AHCYL2: variants seen among roughly 807,000 people sequenced by gnomAD.
The protein encoded by AHCYL2 is S-adenosylhomocysteine hydrolase-like protein 2.
In AHCYL2, 28 loss-of-function variants were observed where a neutral mutation model predicts 81.4. The ratio of observed to expected loss-of-function variants is 0.34; its 90% confidence interval spans 0.25 to 0.47. AHCYL2 has a LOEUF of 0.47. Ranked by LOEUF, AHCYL2 falls within the 20% of genes least tolerant of loss-of-function variation. The pLI is 1.00. For synonymous variants in AHCYL2, 272 were observed against 290.2 expected (o/e 0.94, Z 0.64); for missense variants, 551 against 785.1 (o/e 0.70, Z 3.56).
chr7:129,394,371 G>A (rs1227249595), intron 4 of AHCYL2, among the ~76,000 whole-genome samples: 3 of 149,848 alleles, frequency 2.0e-5, no homozygotes, highest in East Asian at 1.9e-4. Context: ...GGATGTGCCC[G>A]GTCTGATGAT....
intron 6 of AHCYL2, among the ~76,000 whole-genome samples, chr7:129,403,092 C>A (rs1179476732): frequency 6.6e-6 from 1 of 151,834 alleles, no homozygotes; most frequent in Non-Finnish European, 1.5e-5. Context: ...TAAGAAAATC[C>A]TCGGTTAGTT....
At chr7:129,272,347 G>C (rs116780441) in intron 1 of AHCYL2, among the ~76,000 whole-genome samples, 1,988 of 152,278 alleles carry the variant, frequency 0.013, 55 homozygotes, top group African/African-American at 0.045. Flanking sequence ...GACACGAGCT[G>C]TTCCTGCTAT....
intron 1 of AHCYL2, among the ~76,000 whole-genome samples, chr7:129,230,730 G>A (rs1174212413): frequency 6.6e-6 from 1 of 151,830 alleles, no homozygotes; most frequent in African/African-American, 2.4e-5. Flanking sequence ...ACGCCACCAC[G>A]CCTGGCTAAT....
chr7:129,374,807 C>CAAA (rs35477492), intron 1 of AHCYL2, among the ~76,000 whole-genome samples: 4 of 84,902 alleles, frequency 4.7e-5, no homozygotes, highest in African/African-American at 1.2e-4. Flanking sequence ...AACTCCATCT[C>CAAA]AAAAAAAAAA....
intron 1 of AHCYL2, among the ~76,000 whole-genome samples, chr7:129,310,835 C>A (rs183845966): frequency 2.6e-5 from 4 of 152,090 alleles, no homozygotes; most frequent in Admixed American, 2.0e-4. Context: ...ATGGGCCAGG[C>A]GTGGTGGGTC....
chr7:129,340,867 A>G (rs988922863), intron 1 of AHCYL2, among the ~76,000 whole-genome samples: 2 of 152,158 alleles, frequency 1.3e-5, no homozygotes, highest in Non-Finnish European at 2.9e-5. Flanking sequence ...ATAAGCTTAT[A>G]TGATCATGCT....
At chr7:129,367,280 A>G (rs1458889390) in intron 1 of AHCYL2, among the ~76,000 whole-genome samples, 1 of 152,124 alleles carries the variant, frequency 6.6e-6, no homozygotes, top group Non-Finnish European at 1.5e-5. Flanking sequence ...GGGAATTAAC[A>G]CTGTAAAGAG....
intron 1 of AHCYL2, among the ~76,000 whole-genome samples, chr7:129,293,260 T>C (rs1384765353): frequency 2.0e-5 from 3 of 152,186 alleles, no homozygotes; most frequent in African/African-American, 7.2e-5. Flanking sequence ...CTAAACTTAT[T>C]GTAATAAGTT....
Position 129,427,164 on chromosome 7 carries a change from C to A in AHCYL2, c.*119C>A. The A allele has an allele frequency of 9.6e-7, 1 of 1,044,854 alleles. No homozygotes were observed. 64.7% of individuals were successfully genotyped at this position (1,044,854 alleles called of 1,614,324 possible). A position where few individuals can be genotyped will look rare whatever the true frequency, so the allele number is the denominator to read the frequency against. ...AATCAAAGCTGCCTGCCGTGCTCAC[C>A]CTGTGTGTTAGGTTATTTATTTATT... On this transcript the variant is annotated 3_prime_UTR_variant, in exon 17 of 17. Coordinates refer to ENST00000325006, the MANE Select transcript of AHCYL2 (RefSeq NM_015328.4). The surrounding 1 kb of genome is among the most constrained non-coding windows in gnomAD (Gnocchi z 5.5).
intron 12 of AHCYL2, among the ~76,000 whole-genome samples, chr7:129,418,481 A>T (rs79087908): frequency 6.6e-6 from 1 of 151,966 alleles, no homozygotes; most frequent in Non-Finnish European, 1.5e-5. Context: ...TTGTGTTTTT[A>T]GTAGAGTCGG....
At chr7:129,360,279 G>C (rs550319089) in intron 1 of AHCYL2, among the ~76,000 whole-genome samples, 57 of 152,180 alleles carry the variant, frequency 3.7e-4, no homozygotes, top group Non-Finnish European at 7.6e-4. Flanking sequence ...ACCACGCTCG[G>C]CTAATTTTGT....
At chr7:129,337,717 G>C (rs1798654076) in intron 1 of AHCYL2, among the ~76,000 whole-genome samples, 1 of 151,574 alleles carries the variant, frequency 6.6e-6, no homozygotes, top group African/African-American at 2.4e-5. Flanking sequence ...ATTTAAGTCA[G>C]TCTTCTATAA....
chr7:129,404,359 G>T (rs1324432269), intron 7 of AHCYL2, among the ~76,000 whole-genome samples: 5 of 151,634 alleles, frequency 3.3e-5, no homozygotes, highest in Admixed American at 2.6e-4. Context: ...CACCCATAAA[G>T]AACTAAAAGT....
intron 1 of AHCYL2, among the ~76,000 whole-genome samples, chr7:129,367,545 T>A (rs1794168794): frequency 6.6e-6 from 1 of 152,232 alleles, no homozygotes; most frequent in South Asian, 2.1e-4. Context: ...GCTACTGCAC[T>A]GGCATCCTGT....
At chr7:129,408,714 T>C (rs1796418306) in intron 10 of AHCYL2, among the ~76,000 whole-genome samples, 1 of 152,102 alleles carries the variant, frequency 6.6e-6, no homozygotes. Flanking sequence ...AGGAAGAGTA[T>C]GGTTCTCTAT....
In AHCYL2 at chr7:129,426,640, C is replaced by A; in HGVS notation, c.1829+77C>A. On this transcript the variant is annotated intron_variant, in intron 16 of 16. Coordinates refer to ENST00000325006, the MANE Select transcript of AHCYL2 (RefSeq NM_015328.4). The surrounding 1 kb of genome is among the most constrained non-coding windows in gnomAD (Gnocchi z 4.3). Reference sequence around the variant, plus strand: ...TGCACTGGAATTGGTCTTTGCATCCCCAACCACATATGCTTACATGAACTC... The same window carrying A: ...TGCACTGGAATTGGTCTTTGCATCCACAACCACATATGCTTACATGAACTC... 6.4e-7 allele frequency: 1 copy of A among 1,551,820 alleles called. No individual in the cohort carries two copies. The highest frequency in any genetic ancestry group is 2.0e-5 in the Admixed American group (1 of 50,412).
chr7:129,264,083 G>A (rs1019628102), intron 1 of AHCYL2, among the ~76,000 whole-genome samples: 2 of 152,094 alleles, frequency 1.3e-5, no homozygotes, highest in Non-Finnish European at 2.9e-5. Context: ...GTGCAGTGGC[G>A]CCATCTCGGC....
intron 1 of AHCYL2, among the ~76,000 whole-genome samples, chr7:129,330,132 T>G (rs543758736): frequency 2.6e-5 from 4 of 152,256 alleles, no homozygotes; most frequent in African/African-American, 7.2e-5. Context: ...GCCTCCTGAG[T>G]AGCTGGGACT....
At chr7:129,342,490 A>G (rs1236621570) in intron 1 of AHCYL2, among the ~76,000 whole-genome samples, 1 of 152,200 alleles carries the variant, frequency 6.6e-6, no homozygotes, top group Non-Finnish European at 1.5e-5. Context: ...AGAACTTCCA[A>G]TTAAAAGATG....
Sources: allele counts gnomAD v4.1 joint callset (sites outside exome capture counted in the v4.1 genomes callset), GRCh38; gene constraint gnomAD v4.1.1; non-coding constraint Gnocchi (gnomAD v3.1); transcripts MANE v1.5; gene names NCBI Gene and HGNC (gene_info 2026-07-23, HGNC 2026-07-21).